Variants in DOP1B observed in about 807,000 individuals in gnomAD.
The protein encoded by DOP1B is DOP1 leucine zipper like protein B, also known as protein DOP1B.
Under a neutral mutation model 233.5 loss-of-function variants are expected in DOP1B, and 174 were observed. The ratio of observed to expected loss-of-function variants is 0.75; its 90% CI spans 0.66 to 0.85. The LOEUF (loss-of-function observed/expected upper bound fraction) is 0.85. DOP1B is among the 40% of genes least tolerant of loss of function. The pLI is 0.00. For synonymous variants in DOP1B, 1,190 were observed against 1,185.6 expected, an observed-to-expected ratio of 1.00 and a Z score of -0.08; for missense variants, 2,652 against 2,846.6, an observed-to-expected ratio of 0.93 and a Z score of 1.56.
chr21:36,272,331 C>T (rs1182790579), intron 27 of DOP1B, among the ~76,000 whole-genome samples: 1 of 151,798 alleles, frequency 6.6e-6, no homozygotes, highest in Non-Finnish European at 1.5e-5. Context: ...CCTGTAATCC[C>T]AACACTTTGG....
rs544755144 is a variant in DOP1B, at chr21:36,178,630, GT to G, written c.138+13761del. 5.3e-5 allele frequency among the ~76,000 whole-genome samples: 8 copies of G among 152,222 alleles called. No individual in the cohort carries two copies. The South Asian group carries it at 1.7e-3, about 32-fold the overall frequency. On this transcript the variant is annotated intron_variant, in intron 2 of 36. Coordinates refer to ENST00000691173, the MANE Select transcript of DOP1B (RefSeq NM_001320714.2). ...TAAGCCGCCCACTCTGTGGTATTTTGTTATGGCAGCCTGGGCCAACTAATAC... is the reference window on the plus strand; with the variant it reads ...TAAGCCGCCCACTCTGTGGTATTTTGTATGGCAGCCTGGGCCAACTAATAC...
rs115067274 is a variant in DOP1B at position 36,232,928 on chromosome 21, G to C, written c.2475G>C (p.Gln825His). 2 of 1,614,050 alleles carry C rather than the reference G, an allele frequency of 1.2e-6. No homozygotes were observed. Among genetic ancestry groups the C allele is most frequent in the South Asian group, 1.1e-5 (1 of 91,076 alleles). The part of the protein sequence containing the change: ...STLLEVINHS[Q>H]SLALVIEDKM... ...TGCTGGAAGTGATAAACCATTCCCAGTCCCTGGCGCTTGTCATTGAAGACA... is the reference window on the plus strand; with the variant it reads ...TGCTGGAAGTGATAAACCATTCCCACTCCCTGGCGCTTGTCATTGAAGACA... Residue 825 changes from glutamine (Q) to histidine (H), a missense_variant, in exon 15 of 37, where the codon CAG (glutamine) becomes CAC (histidine). Around this residue, in one of 3 missense-constraint regions of DOP1B, gnomAD observed 2,617 missense variants for 2,794.3 expected, o/e 0.94. Transcript: ENST00000691173.
intron 23 of DOP1B, among the ~76,000 whole-genome samples, chr21:36,260,444 G>A (rs572281962): frequency 1.3e-5 from 2 of 152,246 alleles, no homozygotes; most frequent in South Asian, 2.1e-4. Context: ...AGGTGCACAG[G>A]GTGGGAGATC....
chr21:36,293,492 C>A lies in DOP1B; in HGVS notation c.6818C>A (p.Pro2273His), dbSNP rs764310763. 5.6e-6 allele frequency: 9 copies of A among 1,613,986 alleles called. No homozygotes were observed. Among genetic ancestry groups the A allele is most frequent in the Non-Finnish European group, 7.6e-6 (9 of 1,179,962 alleles). The change falls in exon 37 of 37, where the codon CCT becomes CAT. Residue 2273 changes from proline (P) to histidine (H), a missense_variant. Transcript: ENST00000691173. ...DSPGTPFLDF[P>H]VTDSPRILKQ... ...CCAGGAACTCCATTCTTGGACTTTCCTGTCACAGATAGCCCAAGGATCTTA... is the reference window on the plus strand; with the variant it reads ...CCAGGAACTCCATTCTTGGACTTTCATGTCACAGATAGCCCAAGGATCTTA...
intron 32 of DOP1B, among the ~76,000 whole-genome samples, chr21:36,286,091 A>G (rs1412321230): frequency 6.6e-6 from 1 of 151,944 alleles, no homozygotes; most frequent in Non-Finnish European, 1.5e-5. Flanking sequence ...TTCCCCGGAC[A>G]CTGTTGCACC....
At chr21:36,281,758 G>T in intron 32 of DOP1B, 147 bp downstream of exon 32, 2 of 688,972 alleles carry the variant, frequency 2.9e-6, no homozygotes, top group African/African-American at 1.8e-5. Flanking sequence ...GGGCCTTCTT[G>T]CTGCAACATC....
chr21:36,267,625 CTTTT>C (rs3029062), intron 26 of DOP1B, among the ~76,000 whole-genome samples: 1 of 116,960 alleles, frequency 8.5e-6, no homozygotes, highest in Admixed American at 9.0e-5. Flanking sequence ...TGCAGTGAGA[CTTTT>C]TTTTTTTTTT....
intron 27 of DOP1B, among the ~76,000 whole-genome samples, chr21:36,275,003 C>T (rs2067334903): frequency 6.6e-6 from 1 of 151,972 alleles, no homozygotes; most frequent in African/African-American, 2.4e-5. Context: ...CGCCACCACA[C>T]CTGGGTAATT....
chr21:36,257,976 TGTAGG>T, intron 23 of DOP1B, among the ~76,000 whole-genome samples: 1 of 147,970 alleles, frequency 6.8e-6, no homozygotes, highest in East Asian at 2.0e-4. Context: ...GGTAGGTAGA[TGTAGG>T]TAGGTAGGTA....
At chr21:36,283,167 C>T (rs1161377699) in intron 32 of DOP1B, among the ~76,000 whole-genome samples, 1 of 151,720 alleles carries the variant, frequency 6.6e-6, no homozygotes, top group African/African-American at 2.4e-5. Flanking sequence ...TTGAAACCTC[C>T]GCCTCCTAGG....
chr21:36,157,133 T>G (rs2065826878), intron 1 of DOP1B, among the ~76,000 whole-genome samples, 190 bp downstream of exon 1: 1 of 151,936 alleles, frequency 6.6e-6, no homozygotes, highest in Admixed American at 6.5e-5. Context: ...CGCGCTCTGC[T>G]GCAGTGCGGG....
Position 36,292,112 on chromosome 21 carries a change from G to A in DOP1B, c.6524G>A (p.Trp2175Ter). ...DKMPLFQIYR[W>*]AFIPEVDTEG... ...CTGTTTGTTCCCTGCAGTTATAGGT[G>A]GGCATTTATTCCAGAAGTGGACACA... Residue 2175 changes from tryptophan to a stop codon, truncating the protein, a stop_gained, in exon 36 of 37, where the codon TGG becomes TAG. Transcript: ENST00000691173. LOFTEE classifies it high-confidence loss of function. 6.2e-7 allele frequency: 1 copy of A among 1,600,096 alleles called. No homozygotes were observed. The highest frequency in any genetic ancestry group is 8.5e-7 in the Non-Finnish European group (1 of 1,176,200).
chr21:36,201,689 G>A (rs1308821169), intron 4 of DOP1B, among the ~76,000 whole-genome samples: 4 of 152,034 alleles, frequency 2.6e-5, no homozygotes, highest in African/African-American at 9.7e-5. Context: ...ATTAAACTAG[G>A]CTGCTTCTAA....
intron 21 of DOP1B, 143 bp from the exon 22 acceptor site, chr21:36,251,018 CA>C: frequency 8.8e-7 from 1 of 1,130,112 alleles, no homozygotes; most frequent in Non-Finnish European, 1.2e-6. Flanking sequence ...GGGATCCACC[CA>C]TCAGGGAAGC....
At chr21:36,157,258 G>A (rs996337574) in intron 1 of DOP1B, among the ~76,000 whole-genome samples, 20 of 152,244 alleles carry the variant, frequency 1.3e-4, no homozygotes, top group Middle Eastern at 6.8e-3. Flanking sequence ...CTCGCCGAGC[G>A]GGGCGGCAGG....
At chr21:36,224,262 A>T (rs1389394475) in intron 11 of DOP1B, among the ~76,000 whole-genome samples, 1 of 151,418 alleles carries the variant, frequency 6.6e-6, no homozygotes, top group Non-Finnish European at 1.5e-5. Context: ...CGATCCTCCC[A>T]TCCTGGCCTC....
At chr21:36,261,347 A>G (rs2067168755) in intron 24 of DOP1B, 10 of 979,560 alleles carry the variant, frequency 1.0e-5, no homozygotes, top group Non-Finnish European at 1.2e-5. Context: ...CCTGGGTGAC[A>G]GAGCAAGGCT....
At position 36,214,233 on chromosome 21, in the gene DOP1B, G is replaced by A. The variant is rs370932867; in HGVS notation, c.1014+43G>A. 6.9e-5 allele frequency: 105 copies of A among 1,517,724 alleles called. No individual in the cohort carries two copies. In the African/African-American group the frequency reaches 7.2e-4, roughly 10 times the overall value. 94.0% of individuals were successfully genotyped at this position (1,517,724 alleles called of 1,614,324 possible). On this transcript the variant is annotated intron_variant, in intron 8 of 36. Coordinates refer to ENST00000691173, the MANE Select transcript of DOP1B (RefSeq NM_001320714.2). ...GAAAGTTCAGGGTATCCTTGGTGAC[G>A]ATTCTCCAGTGGATTTCTTTGGGAG...
chr21:36,222,132 A>G (rs958479503), intron 10 of DOP1B, among the ~76,000 whole-genome samples: 1 of 151,642 alleles, frequency 6.6e-6, no homozygotes, highest in Admixed American at 6.6e-5. Flanking sequence ...TCGGCCTCCC[A>G]AAGTGCTGGG....
Sources: gnomAD v4.1 joint callset for allele counts (sites outside exome capture counted in the v4.1 genomes callset) on GRCh38, gnomAD v4.1.1 for gene constraint, gnomAD v4.1.1 regional missense constraint, MANE v1.5 for transcripts, NCBI Gene and HGNC (gene_info 2026-07-23, HGNC 2026-07-21) for gene names.